Variants in CABLES1 observed in about 807,000 individuals in gnomAD.
The protein encoded by CABLES1 is Cdk5 and Abl enzyme substrate 1.
In CABLES1, 36 loss-of-function variants were observed where a neutral mutation model predicts 57.8. The observed-to-expected ratio is 0.62, with a 90% CI of 0.48 to 0.82. CABLES1 has a LOEUF of 0.82. CABLES1 is among the 40% of genes least tolerant of loss of function. The pLI is 0.00. For synonymous variants in CABLES1, 374 were observed against 363.0 expected (o/e 1.03, Z -0.35); for missense variants, 767 against 836.6 (o/e 0.92, Z 1.03).
intron 1 of CABLES1, among the ~76,000 whole-genome samples, chr18:23,160,839 C>G (rs140906017): frequency 2.6e-5 from 4 of 151,902 alleles, no homozygotes; most frequent in African/African-American, 9.7e-5. Flanking sequence ...TTTGAGACCA[C>G]CCTGGACGAC....
chr18:23,172,530 C>T (rs1466952053), intron 1 of CABLES1, among the ~76,000 whole-genome samples: 1 of 152,142 alleles, frequency 6.6e-6, no homozygotes, highest in African/African-American at 2.4e-5. Flanking sequence ...TTTATTTTAC[C>T]CAGTCACTTT....
intron 3 of CABLES1, among the ~76,000 whole-genome samples, chr18:23,208,227 G>A (rs2047378434): frequency 1.3e-5 from 2 of 152,238 alleles, no homozygotes; most frequent in African/African-American, 4.8e-5. Context: ...TGTGAAGAAT[G>A]TTCTTGGAGC....
intron 1 of CABLES1, among the ~76,000 whole-genome samples, chr18:23,141,038 T>TA (rs1401195615): frequency 6.6e-6 from 1 of 152,240 alleles, no homozygotes; most frequent in African/African-American, 2.4e-5. Flanking sequence ...TAAATGCATT[T>TA]AGAGTCACTT....
chr18:23,198,588 G>T (rs2047301281), intron 3 of CABLES1, among the ~76,000 whole-genome samples: 1 of 152,182 alleles, frequency 6.6e-6, no homozygotes, highest in East Asian at 1.9e-4. Flanking sequence ...TATTTAGGTG[G>T]CCCCAGTGTA....
intron 1 of CABLES1, among the ~76,000 whole-genome samples, chr18:23,171,982 A>G (rs1157929841): frequency 6.6e-6 from 1 of 152,162 alleles, no homozygotes; most frequent in Non-Finnish European, 1.5e-5. Context: ...GTGTAATGGC[A>G]TGATCACAGC....
At chr18:23,254,886 C>T (rs921440156) in intron 9 of CABLES1, among the ~76,000 whole-genome samples, 4 of 152,190 alleles carry the variant, frequency 2.6e-5, no homozygotes, top group African/African-American at 9.7e-5. Context: ...GGGACACAAA[C>T]ATTCAGCCCA....
chr18:23,248,806 C>G (rs1474757037), intron 7 of CABLES1, among the ~76,000 whole-genome samples: 1 of 152,144 alleles, frequency 6.6e-6, no homozygotes, highest in Non-Finnish European at 1.5e-5. Flanking sequence ...GCCTGGGCAA[C>G]AAGAGCGAAA....
chr18:23,145,966 T>C (rs925604025), intron 1 of CABLES1, among the ~76,000 whole-genome samples: 2 of 152,234 alleles, frequency 1.3e-5, no homozygotes, highest in Non-Finnish European at 2.9e-5. Flanking sequence ...GGACCCAATC[T>C]TGTCCCTGGT....
chr18:23,225,420 A>G (rs1479082605), intron 4 of CABLES1, among the ~76,000 whole-genome samples: 3 of 151,636 alleles, frequency 2.0e-5, no homozygotes, highest in African/African-American at 7.3e-5. Context: ...ATTTTGGTCT[A>G]TTTCCTTCCA....
At chr18:23,224,755 G>C (rs2047515763) in intron 4 of CABLES1, among the ~76,000 whole-genome samples, 2 of 151,874 alleles carry the variant, frequency 1.3e-5, no homozygotes, top group South Asian at 4.2e-4. Flanking sequence ...ATTTTTAGTA[G>C]AGACGGGGTT....
rs2047069533 is a variant in CABLES1, at chr18:23,169,833, G to GGT, written c.846-18997_846-18996dup. ...TTGCTTGGGATGAGGGGTCTGAAGT[G>GGT]GTGTGTGTGAGCTGCTGAGGCTCTC... On this transcript the variant is annotated intron_variant, in intron 1 of 9. Coordinates refer to ENST00000256925, the MANE Select transcript of CABLES1 (RefSeq NM_001100619.3). 2.6e-5 allele frequency among the ~76,000 whole-genome samples: 4 copies of GGT among 152,264 alleles called. No individual in the cohort carries two copies. The South Asian group carries it at 8.3e-4, about 32-fold the overall frequency.
intron 4 of CABLES1, among the ~76,000 whole-genome samples, chr18:23,218,775 A>G (rs897695105): frequency 2.0e-5 from 3 of 152,234 alleles, no homozygotes; most frequent in Non-Finnish European, 4.4e-5. Context: ...AGACAGACCA[A>G]CCTTAGGAGG....
chr18:23,260,086 C>T lies in CABLES1; in HGVS notation c.*2719C>T, dbSNP rs993003664. 6.6e-6 allele frequency: 1 copy of T among 152,218 alleles called. No individual in the cohort carries two copies. The highest frequency in any genetic ancestry group is 1.5e-5 in the Non-Finnish European group (1 of 68,062). The allele number at this position is 152,218 out of a possible 1,614,324, so 9.4% of individuals were successfully genotyped here. On this transcript the variant is annotated 3_prime_UTR_variant, in exon 10 of 10. Coordinates refer to ENST00000256925, the MANE Select transcript of CABLES1 (RefSeq NM_001100619.3). Reference sequence around the variant, plus strand: ...AGCCAAGAGGTTGCTGCAGCTGCCCCCAGGAGGAAACGGGCAGCAGGGAGT... The same window carrying T: ...AGCCAAGAGGTTGCTGCAGCTGCCCTCAGGAGGAAACGGGCAGCAGGGAGT...
intron 9 of CABLES1, among the ~76,000 whole-genome samples, chr18:23,255,447 T>C (rs945863448): frequency 1.2e-4 from 19 of 152,120 alleles, no homozygotes; most frequent in Non-Finnish European, 1.2e-4. Flanking sequence ...TAAGAAATGG[T>C]ACAAAATCAT....
rs182070362 is a variant in CABLES1, at chr18:23,237,893, C to T, written c.1446+648C>T. Among the ~76,000 whole-genome samples, 740 of 151,592 alleles carry T rather than the reference C, an allele frequency of 4.9e-3. 4 individuals are homozygous for T. The highest frequency in any genetic ancestry group is 0.016 in the African/African-American group (669 of 41,300). On this transcript the variant is annotated intron_variant, in intron 7 of 9. Transcript: ENST00000256925. ...GGGCGCTTTCTCTGGGCCGACTTGCCCTGACTCTTGCGGCAAGCAGAGCCC... is the reference window on the plus strand; with the variant it reads ...GGGCGCTTTCTCTGGGCCGACTTGCTCTGACTCTTGCGGCAAGCAGAGCCC...
intron 1 of CABLES1, among the ~76,000 whole-genome samples, chr18:23,160,124 G>A (rs144324905): frequency 0.02 from 2,982 of 149,774 alleles, 57 homozygotes; most frequent in African/African-American, 0.051. Context: ...TGCAACCTCC[G>A]CCTCCCAGGT....
intron 7 of CABLES1, among the ~76,000 whole-genome samples, chr18:23,238,466 T>A (rs2047660052): frequency 6.6e-6 from 1 of 152,200 alleles, no homozygotes; most frequent in Non-Finnish European, 1.5e-5. Flanking sequence ...CTCCTCACTC[T>A]CCCTCACTCA....
At chr18:23,201,130 A>C (rs752712143) in intron 3 of CABLES1, among the ~76,000 whole-genome samples, 1 of 152,242 alleles carries the variant, frequency 6.6e-6, no homozygotes, top group Non-Finnish European at 1.5e-5. Flanking sequence ...CAGTCCACTG[A>C]GATTAAACTG....
intron 7 of CABLES1, among the ~76,000 whole-genome samples, chr18:23,246,399 GTTTT>G (rs932715035): frequency 6.7e-6 from 1 of 148,884 alleles, no homozygotes; most frequent in Non-Finnish European, 1.5e-5. Flanking sequence ...TTGTTTTTTG[GTTTT>G]TTTTTTGAGA....
Sources: gnomAD v4.1 joint callset for allele counts (sites outside exome capture counted in the v4.1 genomes callset) on GRCh38, gnomAD v4.1.1 for gene constraint, MANE v1.5 for transcripts, NCBI Gene and HGNC (gene_info 2026-07-23, HGNC 2026-07-21) for gene names.